Variants in MYO1E observed in about 807,000 individuals in gnomAD.
The protein encoded by MYO1E is myosin IE.
In MYO1E, 68 loss-of-function variants were observed where a neutral mutation model predicts 151.1. That is an observed-to-expected ratio of 0.45 (90% CI 0.37 to 0.55). MYO1E has a LOEUF of 0.55. Among genes scored for constraint, MYO1E ranks in the 20% least tolerant of loss-of-function variants. The pLI, the probability that MYO1E is intolerant of heterozygous loss-of-function variation, is 0.00. For synonymous variants in MYO1E, 601 were observed against 501.7 expected (o/e 1.20, Z -2.64); for missense variants, 1,363 against 1,389.3 (o/e 0.98, Z 0.30).
chr15:59,337,673 G>T (rs1567018608), intron 1 of MYO1E, among the ~76,000 whole-genome samples: 2 of 152,016 alleles, frequency 1.3e-5, no homozygotes, highest in African/African-American at 4.8e-5. Context: ...TCTACTAAAA[G>T]TATAAAAAAT....
Position 59,149,052 on chromosome 15 carries a change from G to GTTTTTTTTTTTTTTT in MYO1E, c.3080+4523_3080+4537dup, listed in dbSNP as rs570700878. On this transcript the variant is annotated intron_variant, in intron 26 of 27. Coordinates refer to ENST00000288235, the MANE Select transcript of MYO1E (RefSeq NM_004998.4). ...GTGGATGAACTGTTTTTTTTTTTTT[G>GTTTTTTTTTTTTTTT]TTTTTTTTTTTTTTTTTTTTTTGAG... 4.1e-4 allele frequency among the ~76,000 whole-genome samples: 53 copies of GTTTTTTTTTTTTTTT among 128,232 alleles called. 1 individual carries two copies. The highest frequency in any genetic ancestry group is 1.2e-3 in the East Asian group (5 of 4,166). 84.1% of individuals were successfully genotyped at this position (128,232 alleles called of 152,430 possible).
chr15:59,348,406 G>C (rs1419265694), intron 1 of MYO1E, among the ~76,000 whole-genome samples: 3 of 152,264 alleles, frequency 2.0e-5, no homozygotes, highest in Admixed American at 1.3e-4. Flanking sequence ...TCAAATTATG[G>C]CATAGCCCAC....
intron 2 of MYO1E, among the ~76,000 whole-genome samples, chr15:59,268,743 C>CTTTTTTTTTTTTTTTTTTTTTTTTT (rs1382117808): frequency 9.2e-4 from 9 of 9,820 alleles, no homozygotes; most frequent in East Asian, 2.8e-3. Flanking sequence ...TTTTTTTTTG[C>CTTTTTTTTTTTTTTTTTTTTTTTTT]TTCACTGCAT....
At chr15:59,253,917 T>TA (rs1555414625) in intron 4 of MYO1E, among the ~76,000 whole-genome samples, 6 of 150,210 alleles carry the variant, frequency 4.0e-5, no homozygotes, top group African/African-American at 9.8e-5. Flanking sequence ...TTTTTTTTTT[T>TA]AACAAAGCCA....
chr15:59,261,834 A>G (rs2080225966), intron 2 of MYO1E, among the ~76,000 whole-genome samples: 1 of 152,230 alleles, frequency 6.6e-6, no homozygotes, highest in African/African-American at 2.4e-5. Flanking sequence ...GAGTGAAAAA[A>G]GCAGTTATCA....
At chr15:59,323,580 C>CG (rs1416121841) in intron 1 of MYO1E, among the ~76,000 whole-genome samples, 3 of 151,608 alleles carry the variant, frequency 2.0e-5, no homozygotes. Flanking sequence ...GGCATGACCC[C>CG]GGGAGGTGGA....
chr15:59,243,605 T>C (rs2080112813), intron 4 of MYO1E, among the ~76,000 whole-genome samples: 1 of 152,138 alleles, frequency 6.6e-6, no homozygotes, highest in African/African-American at 2.4e-5. Context: ...AAGACCCTCA[T>C]ATGGGTTGAC....
chr15:59,291,693 AAAAAAAAAAAAAAAAAAAAG>A (rs1294537488), intron 1 of MYO1E, among the ~76,000 whole-genome samples: 1 of 142,188 alleles, frequency 7.0e-6, no homozygotes, highest in African/African-American at 2.6e-5. Context: ...AAAAAAAAAA[AAAAAAAAAAAAAAAAAAAAG>A]AGAGAGAGAG....
In MYO1E at chr15:59,208,628, C is replaced by A. The variant is rs1213430027; in HGVS notation, c.1530+53G>T. 2.5e-6 allele frequency: 4 copies of A among 1,605,214 alleles called. No individual in the cohort carries two copies. In the African/African-American group the frequency reaches 5.4e-5, roughly 21 times the overall value. ...TGATTTGCTTCATGAGAAACCAGAT[C>A]ACAAACCCAAAGGCTTAAAACAGAT... On this transcript the variant is annotated intron_variant, in intron 14 of 27. Coordinates refer to ENST00000288235, the MANE Select transcript of MYO1E (RefSeq NM_004998.4).
intron 1 of MYO1E, among the ~76,000 whole-genome samples, chr15:59,307,614 G>C (rs1039526809): frequency 3.6e-5 from 4 of 112,536 alleles, no homozygotes; most frequent in African/African-American, 2.1e-4. Context: ...TTTGTTTTTG[G>C]TTTTGGTTTT....
chr15:59,165,436 G>A (rs1235683207), intron 22 of MYO1E, among the ~76,000 whole-genome samples: 2 of 152,280 alleles, frequency 1.3e-5, no homozygotes, highest in Admixed American at 6.5e-5. Flanking sequence ...TGGAACACTT[G>A]GTCATTATCA....
At chr15:59,255,380 A>G (rs2080188231) in intron 4 of MYO1E, among the ~76,000 whole-genome samples, 1 of 151,988 alleles carries the variant, frequency 6.6e-6, no homozygotes, top group African/African-American at 2.4e-5. Context: ...AACTGGAGTT[A>G]GTAAGCAGAA....
At chr15:59,251,942 G>A (rs2080167448) in intron 4 of MYO1E, among the ~76,000 whole-genome samples, 1 of 152,190 alleles carries the variant, frequency 6.6e-6, no homozygotes, top group South Asian at 2.1e-4. Flanking sequence ...AATGAATTCA[G>A]TATTGCTACT....
At chr15:59,180,512 A>G in intron 18 of MYO1E, among the ~76,000 whole-genome samples, 1 of 150,408 alleles carries the variant, frequency 6.6e-6, no homozygotes. Flanking sequence ...GGCAATTCAC[A>G]TTTTTTCCTA....
At chr15:59,181,096 A>G (rs1273387189) in intron 18 of MYO1E, among the ~76,000 whole-genome samples, 11 of 152,028 alleles carry the variant, frequency 7.2e-5, no homozygotes, top group African/African-American at 2.7e-4. Context: ...CGGAGGACAC[A>G]AACATCCTGG....
intron 8 of MYO1E, among the ~76,000 whole-genome samples, chr15:59,223,416 C>G (rs2079968676): frequency 6.6e-6 from 1 of 152,154 alleles, no homozygotes; most frequent in Non-Finnish European, 1.5e-5. Flanking sequence ...ATGGTCACTG[C>G]CCAATGCACA....
At chr15:59,372,466 C>T (rs1482334846) in intron 1 of MYO1E, 32 bp downstream of exon 1, 2 of 1,537,736 alleles carry the variant, frequency 1.3e-6, no homozygotes, top group South Asian at 1.2e-5. Flanking sequence ...TCCCCGGGTC[C>T]GGCGTCCTAG....
At chr15:59,339,369 C>T (rs916690097) in intron 1 of MYO1E, among the ~76,000 whole-genome samples, 1 of 152,116 alleles carries the variant, frequency 6.6e-6, no homozygotes, top group African/African-American at 2.4e-5. Context: ...CTTCTGGTTT[C>T]CAAATGGAGA....
At chr15:59,367,847 T>C (rs536771113) in intron 1 of MYO1E, among the ~76,000 whole-genome samples, 127 of 152,266 alleles carry the variant, frequency 8.3e-4, no homozygotes, top group African/African-American at 2.8e-3. Context: ...AGGCCGGGCG[T>C]GGTGGCTCAC....
Sources: allele counts gnomAD v4.1 joint callset (sites outside exome capture counted in the v4.1 genomes callset), GRCh38; gene constraint gnomAD v4.1.1; transcripts MANE v1.5; gene names NCBI Gene and HGNC (gene_info 2026-07-23, HGNC 2026-07-21).